Variants in MGMT observed in about 807,000 individuals in gnomAD.
The protein encoded by MGMT is methylated-DNA--protein-cysteine methyltransferase.
In MGMT, 14 loss-of-function variants were observed where a neutral mutation model predicts 15.9. The observed-to-expected ratio is 0.88, with a 90% CI of 0.58 to 1.37. MGMT has a LOEUF of 1.37. Among genes scored for constraint, MGMT ranks in the 40% most tolerant of loss-of-function variants. The probability of loss-of-function intolerance (pLI) is 0.00; values close to 1 mark genes in which losing one functional copy is unlikely to be tolerated. For missense variants in MGMT, 282 were observed against 268.1 expected (o/e 1.05, Z -0.36); for synonymous variants, 130 against 118.2 (o/e 1.10, Z -0.65).
At chr10:129,561,421 G>A (rs964549941) in intron 2 of MGMT, among the ~76,000 whole-genome samples, 1 of 152,148 alleles carries the variant, frequency 6.6e-6, no homozygotes, top group African/African-American at 2.4e-5. Context: ...GAAGCTGCTG[G>A]TGCCTCTCTG....
chr10:129,564,320 CCCCCCTCTTTCCT>C (rs1189944335), intron 2 of MGMT, among the ~76,000 whole-genome samples: 2 of 42,472 alleles, frequency 4.7e-5, no homozygotes, highest in East Asian at 1.0e-3. Flanking sequence ...TCTCCTTCCT[CCCCCCTCTTTCCT>C]CCCCCTCTTT....
intron 1 of MGMT, among the ~76,000 whole-genome samples, chr10:129,484,618 G>C (rs1416499423): frequency 6.6e-6 from 1 of 152,112 alleles, no homozygotes; most frequent in African/African-American, 2.4e-5. Flanking sequence ...TTTTTCTCCT[G>C]ATTGTGGGTT....
At position 129,768,549 on chromosome 10, in the gene MGMT, A is replaced by G. The variant is rs552609507; in HGVS notation, c.*1552A>G. The stretch of plus-strand genomic sequence containing the variant: ...GAAAAGCTGGGTGCACTCTGCCCCA[A>G]AGGTGGTGCCCTGTGTCCCCCACAG... On this transcript the variant is annotated 3_prime_UTR_variant, in exon 5 of 5. Transcript: ENST00000651593. Among the ~76,000 whole-genome samples, 2 of 152,342 alleles carry G rather than the reference A, an allele frequency of 1.3e-5. No homozygotes were observed. Among genetic ancestry groups the G allele is most frequent in the South Asian group, 4.1e-4 (2 of 4,828 alleles).
At chr10:129,602,936 G>A (rs1408322491) in intron 2 of MGMT, among the ~76,000 whole-genome samples, 1 of 152,080 alleles carries the variant, frequency 6.6e-6, no homozygotes, top group Non-Finnish European at 1.5e-5. Flanking sequence ...TGTGGATACC[G>A]AGGTTCCACA....
At chr10:129,527,995 TC>T (rs1192125749) in intron 1 of MGMT, among the ~76,000 whole-genome samples, 1 of 151,954 alleles carries the variant, frequency 6.6e-6, no homozygotes, top group South Asian at 2.1e-4. Context: ...TCTCAGCACC[TC>T]CTCCAGGAAG....
chr10:129,652,200 G>A (rs12569777), intron 2 of MGMT, among the ~76,000 whole-genome samples: 134 of 152,326 alleles, frequency 8.8e-4, no homozygotes, highest in African/African-American at 3.0e-3. Context: ...GTGCTTCCCC[G>A]CCACTCGGGG....
At chr10:129,578,637 G>C (rs552953986) in intron 2 of MGMT, among the ~76,000 whole-genome samples, 4 of 152,258 alleles carry the variant, frequency 2.6e-5, no homozygotes, top group African/African-American at 7.2e-5. Flanking sequence ...ATGTATGTAA[G>C]AAACCTGCAC....
At chr10:129,690,549 C>T (rs1362419007) in intron 2 of MGMT, among the ~76,000 whole-genome samples, 2 of 152,194 alleles carry the variant, frequency 1.3e-5, no homozygotes, top group Non-Finnish European at 2.9e-5. Context: ...CCATATGCTG[C>T]TTAAGGGTGG....
rs550537537 is a variant in MGMT, at chr10:129,500,241, G to A, written c.-13+32945G>A. 1.1e-4 allele frequency among the ~76,000 whole-genome samples: 17 copies of A among 152,314 alleles called. No homozygotes were observed. The South Asian group carries it at 3.5e-3, about 32-fold the overall frequency. On this transcript the variant is annotated intron_variant, in intron 1 of 4. Transcript: ENST00000651593. Reference sequence around the variant, plus strand: ...TTGGCGCTGATTTGGGCACCGCCTGGTTTCCTACCGTAGAAGCGTGTGCTG... The same window carrying A: ...TTGGCGCTGATTTGGGCACCGCCTGATTTCCTACCGTAGAAGCGTGTGCTG...
chr10:129,618,180 A>G (rs1847050334), intron 2 of MGMT, among the ~76,000 whole-genome samples: 2 of 152,152 alleles, frequency 1.3e-5, no homozygotes, highest in African/African-American at 2.4e-5. Context: ...GTATCCCTAG[A>G]AAACTTTTTT....
chr10:129,481,604 G>GT (rs34874592), intron 1 of MGMT, among the ~76,000 whole-genome samples: 6 of 152,054 alleles, frequency 3.9e-5, no homozygotes, highest in South Asian at 2.1e-4. Flanking sequence ...TATGAATTCA[G>GT]TTTTTTTTAG....
intron 3 of MGMT, among the ~76,000 whole-genome samples, chr10:129,722,517 T>C (rs1308483492): frequency 6.6e-6 from 1 of 152,208 alleles, no homozygotes; most frequent in Non-Finnish European, 1.5e-5. Context: ...GCCTAGAATA[T>C]TTAAAACAAT....
intron 2 of MGMT, among the ~76,000 whole-genome samples, chr10:129,586,627 C>T (rs942109215): frequency 8.5e-5 from 13 of 152,134 alleles, no homozygotes; most frequent in African/African-American, 2.9e-4. Flanking sequence ...GTTTATCATT[C>T]GTTTGTTATT....
chr10:129,663,410 GAATT>G lies in MGMT; in HGVS notation c.126-44481_126-44478del, dbSNP rs144588027. On this transcript the variant is annotated intron_variant, in intron 2 of 4. Coordinates refer to ENST00000651593, the MANE Select transcript of MGMT (RefSeq NM_002412.5). ...AAAAATGAGGGAAGAAAAATAAATG[GAATT>G]AATACCAAACTCAGAAAACTATGAA... is the stretch of plus-strand genomic sequence containing the variant. 6.6e-3 allele frequency among the ~76,000 whole-genome samples: 1,002 copies of G among 151,918 alleles called. 11 individuals are homozygous for G. The highest frequency in any genetic ancestry group is 0.023 in the African/African-American group (959 of 41,436).
intron 2 of MGMT, among the ~76,000 whole-genome samples, chr10:129,641,407 G>A (rs1469720932): frequency 1.3e-5 from 2 of 152,146 alleles, no homozygotes. Flanking sequence ...AATCACAGCA[G>A]GTCTTTTCCT....
chr10:129,747,166 ATTAG>A (rs1848704084), intron 3 of MGMT, among the ~76,000 whole-genome samples: 1 of 152,198 alleles, frequency 6.6e-6, no homozygotes. Context: ...AAACTCACTT[ATTAG>A]TTCTAAGACT....
chr10:129,488,199 C>T (rs1430312894), intron 1 of MGMT, among the ~76,000 whole-genome samples: 3 of 152,056 alleles, frequency 2.0e-5, no homozygotes, highest in African/African-American at 7.2e-5. Flanking sequence ...ATGGTTAAAG[C>T]AGATTAGACC....
chr10:129,590,747 CCA>C (rs1198731845), intron 2 of MGMT, among the ~76,000 whole-genome samples: 1 of 152,192 alleles, frequency 6.6e-6, no homozygotes, highest in African/African-American at 2.4e-5. Context: ...GATTCACAAT[CCA>C]CAGTTTACTG....
At chr10:129,673,852 G>GA (rs1021033512) in intron 2 of MGMT, among the ~76,000 whole-genome samples, 3 of 152,044 alleles carry the variant, frequency 2.0e-5, no homozygotes, top group Admixed American at 6.6e-5. Flanking sequence ...ATGCTCGTGC[G>GA]AAAAAAGTCT....
Sources: gnomAD v4.1 joint callset for allele counts (sites outside exome capture counted in the v4.1 genomes callset) on GRCh38, gnomAD v4.1.1 for gene constraint, MANE v1.5 for transcripts, NCBI Gene and HGNC (gene_info 2026-07-23, HGNC 2026-07-21) for gene names.